Variants in ZEB1 observed in about 807,000 individuals in gnomAD.
The protein encoded by ZEB1 is zinc finger E-box binding homeobox 1.
A neutral mutation model predicts 84.9 loss-of-function variants in ZEB1; 21 were observed. That is an observed-to-expected ratio of 0.25 (90% CI 0.18 to 0.36). The LOEUF is 0.36. Among genes scored for constraint, ZEB1 ranks in the 10% least tolerant of loss-of-function variants. ZEB1 has a pLI of 1.00. For missense variants in ZEB1, 1,104 were observed against 1,330.2 expected (o/e 0.83, Z 2.65); for synonymous variants, 420 against 471.1 (o/e 0.89, Z 1.41).
intron 2 of ZEB1, among the ~76,000 whole-genome samples, chr10:31,474,174 C>G (rs1565023971): frequency 6.6e-6 from 1 of 151,996 alleles, no homozygotes; most frequent in Non-Finnish European, 1.5e-5. Context: ...TCTAAAACAC[C>G]AAAAGCAATG....
At chr10:31,392,451 A>T (rs1311437307) in intron 1 of ZEB1, among the ~76,000 whole-genome samples, 1 of 152,158 alleles carries the variant, frequency 6.6e-6, no homozygotes. Context: ...TAGCCTATAT[A>T]CACTTCCTGT....
chr10:31,462,887 T>C (rs552311178), intron 2 of ZEB1, among the ~76,000 whole-genome samples: 1 of 152,042 alleles, frequency 6.6e-6, no homozygotes, highest in African/African-American at 2.4e-5. Flanking sequence ...TAGTTGCCCA[T>C]GGGATGGGAA....
chr10:31,331,852 G>T (rs1186055614), intron 1 of ZEB1, among the ~76,000 whole-genome samples: 2 of 152,128 alleles, frequency 1.3e-5, no homozygotes, highest in African/African-American at 4.8e-5. Context: ...CTGGAGAATT[G>T]GATAGTAAGC....
At chr10:31,502,080 T>C (rs769362425) in intron 3 of ZEB1, among the ~76,000 whole-genome samples, 4 of 152,190 alleles carry the variant, frequency 2.6e-5, no homozygotes, top group Non-Finnish European at 5.9e-5. Context: ...GTTTTATTAG[T>C]AAAATGCAAT....
intron 1 of ZEB1, among the ~76,000 whole-genome samples, chr10:31,433,597 T>C (rs1480866902): frequency 2.0e-5 from 3 of 152,210 alleles, no homozygotes; most frequent in Non-Finnish European, 4.4e-5. Context: ...AAGACATCTG[T>C]TATACTTTGA....
At chr10:31,501,749 T>G (rs2068170641) in intron 3 of ZEB1, among the ~76,000 whole-genome samples, 1 of 152,166 alleles carries the variant, frequency 6.6e-6, no homozygotes, top group Admixed American at 6.6e-5. Context: ...TTATAAATTT[T>G]ATACAGAGTT....
chr10:31,397,292 T>G (rs956602457), intron 1 of ZEB1, among the ~76,000 whole-genome samples: 3 of 151,562 alleles, frequency 2.0e-5, no homozygotes, highest in Non-Finnish European at 4.4e-5. Context: ...CGTTAAATAC[T>G]TTCCCTTTAT....
intron 1 of ZEB1, among the ~76,000 whole-genome samples, chr10:31,441,604 A>C (rs1210540369): frequency 6.6e-6 from 1 of 152,188 alleles, no homozygotes; most frequent in East Asian, 1.9e-4. Flanking sequence ...AGAAACTACC[A>C]TCAGAGTGAA....
chr10:31,443,116 G>A (rs894400232), intron 1 of ZEB1, among the ~76,000 whole-genome samples: 3 of 152,126 alleles, frequency 2.0e-5, no homozygotes, highest in Non-Finnish European at 4.4e-5. Context: ...AGATTAAAAT[G>A]GATATTTCTT....
chr10:31,328,127 T>C (rs1475611785), intron 1 of ZEB1, among the ~76,000 whole-genome samples: 1 of 152,200 alleles, frequency 6.6e-6, no homozygotes, highest in African/African-American at 2.4e-5. Flanking sequence ...TCCTAATCTA[T>C]AGATTATAAA....
At chr10:31,517,122 G>T (rs1023863880) in intron 6 of ZEB1, among the ~76,000 whole-genome samples, 7 of 152,008 alleles carry the variant, frequency 4.6e-5, no homozygotes, top group Non-Finnish European at 1.0e-4. Context: ...TCTGCCTAGG[G>T]TATCTAATAA....
At chr10:31,495,977 G>T (rs978317812) in intron 3 of ZEB1, 139 bp downstream of exon 3, 5 of 850,646 alleles carry the variant, frequency 5.9e-6, no homozygotes, top group Non-Finnish European at 9.9e-6. Context: ...AAGTACTTAG[G>T]CATATGGTGC....
intron 1 of ZEB1, among the ~76,000 whole-genome samples, chr10:31,352,928 T>C (rs1490060431): frequency 6.6e-6 from 1 of 152,194 alleles, no homozygotes; most frequent in Admixed American, 6.5e-5. Flanking sequence ...GCAAATGGTT[T>C]GGGATGTATT....
chr10:31,471,545 A>T (rs2063247848), intron 2 of ZEB1, among the ~76,000 whole-genome samples: 1 of 145,990 alleles, frequency 6.8e-6, no homozygotes, highest in Non-Finnish European at 1.5e-5. Flanking sequence ...ATACAGGAGC[A>T]CCCAGATTCA....
intron 1 of ZEB1, among the ~76,000 whole-genome samples, chr10:31,413,061 T>A (rs1291296276): frequency 1.3e-5 from 2 of 152,214 alleles, no homozygotes; most frequent in Non-Finnish European, 2.9e-5. Context: ...ATCACAAGAT[T>A]GATTATATAC....
chr10:31,527,823 CTT>C lies in ZEB1; in HGVS notation c.*562_*563del, dbSNP rs1445604833. On this transcript the variant is annotated 3_prime_UTR_variant, in exon 9 of 9. Coordinates refer to ENST00000424869, the MANE Select transcript of ZEB1 (RefSeq NM_001174096.2). ...TGTAGTTCCAACCCGTGCTAACTAC[CTT>C]TTATAAATTCAGTCTAGAAGGTAGT... 1.9e-5 allele frequency: 3 copies of C among 154,590 alleles called. No homozygotes were observed. Among genetic ancestry groups the C allele is most frequent in the African/African-American group, 7.2e-5 (3 of 41,412 alleles). 9.6% of individuals were successfully genotyped at this position (154,590 alleles called of 1,614,324 possible). A position where few individuals can be genotyped will look rare whatever the true frequency, so the allele number is the denominator to read the frequency against.
chr10:31,524,772 T>TGAGACC (rs1565228170), intron 8 of ZEB1, among the ~76,000 whole-genome samples: 2,295 of 152,278 alleles, frequency 0.015, 43 homozygotes, highest in African/African-American at 0.052. Context: ...GCTAAAGTCA[T>TGAGACC]AGGGAGACAG....
chr10:31,427,474 C>G (rs926024182), intron 1 of ZEB1, among the ~76,000 whole-genome samples: 1 of 152,128 alleles, frequency 6.6e-6, no homozygotes, highest in Admixed American at 6.5e-5. Context: ...ATGACTCACT[C>G]TCTTTCTCTC....
chr10:31,471,797 C>T (rs1198771455), intron 2 of ZEB1, among the ~76,000 whole-genome samples: 10 of 140,318 alleles, frequency 7.1e-5, no homozygotes, highest in African/African-American at 1.2e-4. Flanking sequence ...CCAAAATTGA[C>T]CACATACTTG....
Sources: gnomAD v4.1 joint callset for allele counts (sites outside exome capture counted in the v4.1 genomes callset) on GRCh38, gnomAD v4.1.1 for gene constraint, MANE v1.5 for transcripts, NCBI Gene and HGNC (gene_info 2026-07-23, HGNC 2026-07-21) for gene names.